NOTCH2: variants seen among roughly 807,000 people sequenced by gnomAD.
The protein encoded by NOTCH2 is notch receptor 2, also known as neurogenic locus notch homolog protein 2.
Under a neutral mutation model 235.8 loss-of-function variants are expected in NOTCH2, and 29 were observed. The ratio of observed to expected loss-of-function variants is 0.12; its 90% confidence interval spans 0.09 to 0.17. The LOEUF (loss-of-function observed/expected upper bound fraction) is 0.17. Among genes scored for constraint, NOTCH2 ranks in the 10% least tolerant of loss-of-function variants. The pLI is 1.00. For synonymous variants in NOTCH2, 1,086 were observed against 1,141.5 expected (o/e 0.95, Z 0.98); for missense variants, 2,285 against 3,150.2 (o/e 0.73, Z 6.57).
At position 119,947,621 on chromosome 1, in the gene NOTCH2, C is replaced by G. The variant is rs78241655; in HGVS notation, c.2752+793G>C. Among the ~76,000 whole-genome samples, 821 of 152,268 alleles carry G rather than the reference C, an allele frequency of 5.4e-3. 24 individuals are homozygous for G. In the East Asian group the frequency reaches 0.087, roughly 16 times the overall value. On this transcript the variant is annotated intron_variant, in intron 17 of 33. Coordinates refer to ENST00000256646, the MANE Select transcript of NOTCH2 (RefSeq NM_024408.4). Reference sequence around the variant, plus strand: ...GCAATTTCTTAAAAAGTGAAACATACACTTACGACATGATTCACCGATTCT... The same window carrying G: ...GCAATTTCTTAAAAAGTGAAACATAGACTTACGACATGATTCACCGATTCT...
chr1:119,933,089 G>A (rs929314158), intron 22 of NOTCH2, among the ~76,000 whole-genome samples: 4 of 152,232 alleles, frequency 2.6e-5, no homozygotes, highest in African/African-American at 9.6e-5. Context: ...GATATTTAGG[G>A]ATTGCTAGTA....
chr1:119,922,158 T>C lies in NOTCH2; in HGVS notation c.5213+78A>G. 4 of 1,473,196 alleles carry C rather than the reference T, an allele frequency of 2.7e-6. No individual in the cohort carries two copies. The South Asian group carries it at 3.5e-5, about 13-fold the overall frequency. The allele number at this position is 1,473,196 out of a possible 1,614,324, so 91.3% of individuals were successfully genotyped here. On this transcript the variant is annotated intron_variant, in intron 28 of 33. Transcript: ENST00000256646. ...AATGCCCAGAGCTTAGAATTTAAAA[T>C]CATGATTCAACAAGATATGCTTTTC...
Position 119,922,463 on chromosome 1 carries a change from A to G in NOTCH2, c.5003-17T>C. ...GGGATTCACCTGAAAGTCCACAGAG[A>G]CAGGGAAAGTGCTGAATAAAACATT... On this transcript the variant is annotated splice_polypyrimidine_tract_variant and intron_variant, in intron 27 of 33. Transcript: ENST00000256646. The G allele has an allele frequency of 6.2e-7, 1 of 1,606,694 alleles. No individual in the cohort carries two copies. Among genetic ancestry groups the G allele is most frequent in the South Asian group, 1.1e-5 (1 of 90,182 alleles).
At position 119,925,681 on chromosome 1, in the gene NOTCH2, C is replaced by A. The variant is rs143784183; in HGVS notation, c.4135G>T (p.Ala1379Ser). ...PSPRDCESGCASSPCQHGGSC... is the reference protein window; with the variant it reads ...PSPRDCESGCSSSPCQHGGSC... ...CCCCCGTGCTGGCAGGGGCTACTGG[C>A]ACAGCCTGACTCGCAGTCCCGGGGA... The change falls in exon 25 of 34, where the codon GCC (alanine) becomes TCC (serine). Residue 1379 changes from alanine to serine, a missense_variant. By Grantham distance (99) the Ala-to-Ser change is moderately conservative. Transcript: ENST00000256646. 2 of 1,612,222 alleles carry A rather than the reference C, an allele frequency of 1.2e-6. No homozygotes were observed. The highest frequency in any genetic ancestry group is 1.7e-5 in the Admixed American group (1 of 59,964).
intron 20 of NOTCH2, 113 bp downstream of exon 20, chr1:119,937,744 C>A: frequency 8.4e-7 from 1 of 1,196,168 alleles, no homozygotes; most frequent in Non-Finnish European, 1.2e-6. Flanking sequence ...CCCTGCCCAC[C>A]CACTACTATC....
At chr1:119,956,547 T>C (rs191397053) in intron 12 of NOTCH2, among the ~76,000 whole-genome samples, 5 of 152,354 alleles carry the variant, frequency 3.3e-5, no homozygotes, top group Non-Finnish European at 7.3e-5. Flanking sequence ...GCTGTTTTCC[T>C]CTTAAGTGTT....
In NOTCH2 at chr1:120,069,105, G is replaced by A. The variant is rs1655641087; in HGVS notation, c.73+229C>T. The A allele has an allele frequency of 2.0e-6, 3 of 1,515,938 alleles. No individual in the cohort carries two copies. In the Admixed American group the frequency reaches 5.9e-5, roughly 30 times the overall value. 93.9% of individuals were successfully genotyped at this position (1,515,938 alleles called of 1,614,324 possible). On this transcript the variant is annotated intron_variant, in intron 1 of 33. Transcript: ENST00000256646. Reference sequence around the variant, plus strand: ...CCTCCTGCCGAGGAGGCGTGTAAGGGGTCCCGGGCCGCGGGGAGCAGAGGC... The same window carrying A: ...CCTCCTGCCGAGGAGGCGTGTAAGGAGTCCCGGGCCGCGGGGAGCAGAGGC...
At chr1:119,976,579 C>T (rs1484403046) in intron 5 of NOTCH2, among the ~76,000 whole-genome samples, 2 of 151,960 alleles carry the variant, frequency 1.3e-5, no homozygotes, top group African/African-American at 4.8e-5. Context: ...GGCCTGGTTT[C>T]CCTGCATCAT....
intron 22 of NOTCH2, among the ~76,000 whole-genome samples, chr1:119,931,409 TCTATA>T (rs1452013628): frequency 5.3e-5 from 8 of 152,216 alleles, no homozygotes; most frequent in Non-Finnish European, 1.0e-4. Context: ...ATCAGTTTTC[TCTATA>T]CTATAATTCA....
chr1:119,915,072 C>T lies in NOTCH2; in HGVS notation c.*234G>A. 1.8e-6 allele frequency: 1 copy of T among 570,242 alleles called. No homozygotes were observed. Among genetic ancestry groups the T allele is most frequent in the Non-Finnish European group, 3.1e-6 (1 of 318,132 alleles). 35.3% of individuals were successfully genotyped at this position (570,242 alleles called of 1,614,324 possible). A position where few individuals can be genotyped will look rare whatever the true frequency, so the allele number is the denominator to read the frequency against. ...ACATGGACCCAAGGCTTGTATTCAT[C>T]TTGCATTTCCACAAACTTGTCTTAT... On this transcript the variant is annotated 3_prime_UTR_variant, in exon 34 of 34. Coordinates refer to ENST00000256646, the MANE Select transcript of NOTCH2 (RefSeq NM_024408.4).
At chr1:120,001,430 C>G (rs1652746941) in intron 3 of NOTCH2, among the ~76,000 whole-genome samples, 1 of 152,142 alleles carries the variant, frequency 6.6e-6, no homozygotes, top group African/African-American at 2.4e-5. Flanking sequence ...AGGCAGAGTT[C>G]ACCACCTTTC....
chr1:119,982,706 C>G (rs587691337), intron 5 of NOTCH2, among the ~76,000 whole-genome samples: 1 of 152,248 alleles, frequency 6.6e-6, no homozygotes, highest in African/African-American at 2.4e-5. Context: ...CTATAAGACA[C>G]TTCCCTATAA....
intron 12 of NOTCH2, 134 bp from the exon 13 acceptor site, chr1:119,955,366 G>A (rs1216595578): frequency 1.2e-6 from 1 of 828,222 alleles, no homozygotes; most frequent in East Asian, 2.6e-5. Context: ...ATGTCAAGAT[G>A]TAAGGAATTA....
intron 1 of NOTCH2, among the ~76,000 whole-genome samples, chr1:120,039,757 T>G (rs1570774803): frequency 6.6e-6 from 1 of 152,052 alleles, no homozygotes; most frequent in African/African-American, 2.4e-5. Context: ...AAGTACACGC[T>G]TTTAAGTACA....
chr1:119,980,297 A>C (rs1557831316), intron 5 of NOTCH2, among the ~76,000 whole-genome samples: 1 of 152,160 alleles, frequency 6.6e-6, no homozygotes, highest in East Asian at 1.9e-4. Context: ...TCTTACCTAA[A>C]GTATTCCCCA....
rs782489357 is a variant in NOTCH2, at chr1:119,937,887, C to T, written c.3307G>A (p.Val1103Ile). ...CTGGAGGCTGCTATGTCACAAGAGA[C>T]ATTGGGCACGTCACAATAGGCACCA... ...WAGAYCDVPN[V>I]SCDIAASRRG... The change falls in exon 20 of 34, where the codon GTC becomes ATC. Residue 1103 changes from valine (V) to isoleucine (I), a missense_variant. By Grantham distance (29) the Val-to-Ile change is conservative. Transcript: ENST00000256646. 8.7e-6 allele frequency: 14 copies of T among 1,614,106 alleles called. No homozygotes were observed. The African/African-American group carries it at 1.9e-4, about 22-fold the overall frequency.
chr1:119,981,468 A>T (rs967739171), intron 5 of NOTCH2, among the ~76,000 whole-genome samples: 2 of 152,230 alleles, frequency 1.3e-5, no homozygotes, highest in South Asian at 4.1e-4. Flanking sequence ...AGTAGGTCCA[A>T]TAGATAAATT....
At chr1:120,057,061 G>A (rs1655150300) in intron 1 of NOTCH2, among the ~76,000 whole-genome samples, 1 of 118,104 alleles carries the variant, frequency 8.5e-6, no homozygotes, top group Admixed American at 7.1e-5. Context: ...CAATCCACAG[G>A]TTGCAAAGAT....
rs782760836 is a variant in NOTCH2, at chr1:120,068,917, G to A, written c.73+417C>T. 1.0e-3 allele frequency: 845 copies of A among 814,616 alleles called. 8 individuals are homozygous for A. The highest frequency in any genetic ancestry group is 2.4e-3 in the Middle Eastern group (9 of 3,734). The allele number at this position is 814,616 out of a possible 1,614,324, so 50.5% of individuals were successfully genotyped here. A position where few individuals can be genotyped will look rare whatever the true frequency, so the allele number is the denominator to read the frequency against. On this transcript the variant is annotated intron_variant, in intron 1 of 33. Coordinates refer to ENST00000256646, the MANE Select transcript of NOTCH2 (RefSeq NM_024408.4). ...CGTTTGGCTTGGCGGCCCTGCCCCC[G>A]CTCTCCACGCCAGAATCTGGCATTC...
Sources: allele counts gnomAD v4.1 joint callset (sites outside exome capture counted in the v4.1 genomes callset), GRCh38; gene constraint gnomAD v4.1.1; transcripts MANE v1.5; gene names NCBI Gene and HGNC (gene_info 2026-07-23, HGNC 2026-07-21).